Variants in LMOD2 observed in about 807,000 individuals in gnomAD.
LMOD2 encodes leiomodin-2.
Under a neutral mutation model 41.7 loss-of-function variants are expected in LMOD2, and 27 were observed. The ratio of observed to expected loss-of-function variants is 0.65; its 90% CI spans 0.48 to 0.89. The LOEUF (loss-of-function observed/expected upper bound fraction) is 0.89, where lower values mean the gene tolerates loss of function less well. Ranked by LOEUF, LMOD2 falls within the 40% of genes least tolerant of loss-of-function variation. LMOD2 has a pLI of 0.00. For missense variants in LMOD2, 624 were observed against 667.9 expected, an observed-to-expected ratio of 0.93 and a Z score of 0.72; for synonymous variants, 251 against 244.6, an observed-to-expected ratio of 1.03 and a Z score of -0.25.
chr7:123,663,296 T>G, intron 2 of LMOD2, 93 bp downstream of exon 2: 6 of 1,382,662 alleles, frequency 4.3e-6, no homozygotes, highest in South Asian at 1.5e-5. Context: ...CTCACAATAC[T>G]TATCAATACT....
At chr7:123,658,229 G>A (rs1453449384) in intron 1 of LMOD2, among the ~76,000 whole-genome samples, 3 of 152,102 alleles carry the variant, frequency 2.0e-5, no homozygotes, top group African/African-American at 7.2e-5. Flanking sequence ...ATGGACTTCG[G>A]TTCCTTTCTA....
At chr7:123,657,810 A>C (rs890156886) in intron 1 of LMOD2, among the ~76,000 whole-genome samples, 101 of 130,678 alleles carry the variant, frequency 7.7e-4, no homozygotes, top group African/African-American at 2.8e-3. Flanking sequence ...TCTCATCTCT[A>C]CAAAAAAAAA....
chr7:123,663,916 G>C lies in LMOD2; in HGVS notation c.*171G>C, dbSNP rs141532106. 1.1e-4 allele frequency: 65 copies of C among 593,286 alleles called. No individual in the cohort carries two copies. The highest frequency in any genetic ancestry group is 1.7e-4 in the Non-Finnish European group (60 of 347,380). The allele number at this position is 593,286 out of a possible 1,614,324, so 36.8% of individuals were successfully genotyped here. A position where few individuals can be genotyped will look rare whatever the true frequency, so the allele number is the denominator to read the frequency against. On this transcript the variant is annotated 3_prime_UTR_variant, in exon 3 of 3. Transcript: ENST00000458573. ...AAGAAACAATCAGCATGTTTCTTCT[G>C]TAAATATGAAAATAAATTTCTTTTT...
rs1334964159 is a variant in LMOD2, at chr7:123,662,630, G to C, written c.1044G>C (p.Leu348Phe). 6.2e-7 allele frequency: 1 copy of C among 1,613,982 alleles called. No homozygotes were observed. The highest frequency in any genetic ancestry group is 1.3e-5 in the African/African-American group (1 of 75,044). Residue 348 changes from leucine (L) to phenylalanine (F), a missense_variant, in exon 2 of 3, where the codon TTG (leucine) becomes TTC (phenylalanine). By Grantham distance (22) the Leu-to-Phe change is conservative. Transcript: ENST00000458573. The surrounding 1 kb of genome is among the most constrained non-coding windows in gnomAD (Gnocchi z 4.0). ...CAAGAATGAGCATGACGAGCATTTT[G>C]ACAAGAAATATGGATAAACAGAGGC... ...PGPRMSMTSI[L>F]TRNMDKQRQK...
intron 1 of LMOD2, among the ~76,000 whole-genome samples, chr7:123,658,278 C>T (rs1012026421): frequency 2.0e-5 from 3 of 152,116 alleles, no homozygotes; most frequent in Admixed American, 2.0e-4. Context: ...CCCTGCTGGC[C>T]AGCTGTCTGT....
intron 1 of LMOD2, among the ~76,000 whole-genome samples, chr7:123,658,491 A>T (rs2116733634): frequency 6.6e-6 from 1 of 152,340 alleles, no homozygotes; most frequent in Non-Finnish European, 1.5e-5. Flanking sequence ...GGCTTATAAA[A>T]AGCAGATGCA....
rs767055909 is a variant in LMOD2, at chr7:123,663,733, A to G, written c.1632A>G (p.Glu544=). Residue 544 remains glutamate (E), a synonymous_variant, in exon 3 of 3, where the codon GAA becomes GAG. Transcript: ENST00000458573. ...IKQLKRVEVP[E]ALR ...TATTTTTGTAGGTGGAAGTTCCAGA[A>G]GCCCTGCGATAAAAACATGATCTTT... 75 of 1,579,450 alleles carry G rather than the reference A, an allele frequency of 4.7e-5. No homozygotes were observed. The highest frequency in any genetic ancestry group is 6.4e-5 in the Non-Finnish European group (74 of 1,160,684).
At position 123,663,743 on chromosome 7, in the gene LMOD2, T is replaced by C; in HGVS notation, c.1642T>C (p.Ter548GlnextTer5). Reference sequence around the variant, plus strand: ...GGTGGAAGTTCCAGAAGCCCTGCGATAAAAACATGATCTTTAGAAGAGGAT... The same window carrying C: ...GGTGGAAGTTCCAGAAGCCCTGCGACAAAAACATGATCTTTAGAAGAGGAT... ...KRVEVPEALR* is the reference protein window; with the variant it reads ...KRVEVPEALRQ The change falls in exon 3 of 3, where the codon TAA becomes CAA. Residue 548 changes from the stop codon to glutamine, a stop_lost. Coordinates refer to ENST00000458573, the MANE Select transcript of LMOD2 (RefSeq NM_207163.3). The C allele has an allele frequency of 6.3e-7, 1 of 1,577,502 alleles. No individual in the cohort carries two copies. The highest frequency in any genetic ancestry group is 8.6e-7 in the Non-Finnish European group (1 of 1,159,512).
chr7:123,661,982 A>C lies in LMOD2; in HGVS notation c.396A>C (p.Glu132Asp), dbSNP rs374070376. Reference protein sequence around the residue: ...EEESQEEEEEEDSDEEERTIE... With the variant: ...EEESQEEEEEDDSDEEERTIE... ...AGTCCCAGGAGGAAGAGGAGGAAGA[A>C]GACAGTGACGAAGAGGAAAGAACAA... is the stretch of plus-strand genomic sequence containing the variant. The change falls in exon 2 of 3, where the codon GAA becomes GAC. Residue 132 changes from glutamate to aspartate, a missense_variant. Transcript: ENST00000458573. 1.3e-6 allele frequency: 2 copies of C among 1,560,252 alleles called. No individual in the cohort carries two copies. Among genetic ancestry groups the C allele is most frequent in the Non-Finnish European group, 1.7e-6 (2 of 1,151,380 alleles).
Position 123,662,448 on chromosome 7 carries a change from A to T in LMOD2, c.862A>T (p.Ile288Phe). The stretch of plus-strand genomic sequence containing the variant: ...CATAACGGGAAAGGGGATCCTGGCC[A>T]TCATGAGAGCTCTCCAGCACAACAC... The part of the protein sequence containing the change: ...NFITGKGILA[I>F]MRALQHNTVL... The change falls in exon 2 of 3, where the codon ATC becomes TTC. Residue 288 changes from isoleucine to phenylalanine, a missense_variant. Transcript: ENST00000458573. The surrounding 1 kb of genome is among the most constrained non-coding windows in gnomAD (Gnocchi z 4.0). The T allele has an allele frequency of 6.2e-7, 1 of 1,613,990 alleles. No homozygotes were observed. The highest frequency in any genetic ancestry group is 8.5e-7 in the Non-Finnish European group (1 of 1,179,888).
At chr7:123,661,687 CA>C (rs1304149765) in intron 1 of LMOD2, among the ~76,000 whole-genome samples, 172 bp from the exon 2 acceptor site, 1 of 152,126 alleles carries the variant, frequency 6.6e-6, no homozygotes, top group Admixed American at 6.5e-5. Context: ...CTATTTATTG[CA>C]ATAAAATGTC....
rs866800720 is a variant in LMOD2, at chr7:123,663,136, C to T, written c.1550C>T (p.Pro517Leu). 2 of 1,568,934 alleles carry T rather than the reference C, an allele frequency of 1.3e-6. No individual in the cohort carries two copies. The highest frequency in any genetic ancestry group is 2.4e-5 in the East Asian group (1 of 42,332). Residue 517 changes from proline (P) to leucine (L), a missense_variant, in exon 2 of 3, where the codon CCA becomes CTA. By Grantham distance (98) the Pro-to-Leu change is moderately conservative. Coordinates refer to ENST00000458573, the MANE Select transcript of LMOD2 (RefSeq NM_207163.3). Reference sequence around the variant, plus strand: ...GAAGACAGTTCCCGACCTTCTACCCCACAGAGATCAGCTCATGAGAATCTC... The same window carrying T: ...GAAGACAGTTCCCGACCTTCTACCCTACAGAGATCAGCTCATGAGAATCTC... Reference protein sequence around the residue: ...KMEDSSRPSTPQRSAHENLME... With the variant: ...KMEDSSRPSTLQRSAHENLME...
chr7:123,663,056 C>T lies in LMOD2; in HGVS notation c.1470C>T (p.Asn490=), dbSNP rs1438809763. 6.4e-7 allele frequency: 1 copy of T among 1,556,404 alleles called. No individual in the cohort carries two copies. The highest frequency in any genetic ancestry group is 8.7e-7 in the Non-Finnish European group (1 of 1,149,978). Residue 490 remains asparagine, a synonymous_variant, in exon 2 of 3, where the codon AAC becomes AAT. Coordinates refer to ENST00000458573, the MANE Select transcript of LMOD2 (RefSeq NM_207163.3). ...GGAAAAAGGTCAAGAAACAGCCAAA[C>T]AGTATTCTAAAGGAAATAAAAAATT... is the stretch of plus-strand genomic sequence containing the variant. ...KKGKKVKKQP[N]SILKEIKNSL...
Position 123,664,175 on chromosome 7 carries a change from T to G in LMOD2, c.*430T>G, listed in dbSNP as rs147139061. The stretch of plus-strand genomic sequence containing the variant: ...AATCTCGATAAATGTGTATTGAAGT[T>G]TTTTCCCTTTTTTTAAAAAGCCAAA... On this transcript the variant is annotated 3_prime_UTR_variant, in exon 3 of 3. Transcript: ENST00000458573. 1 of 157,962 alleles carries G rather than the reference T, an allele frequency of 6.3e-6. No individual in the cohort carries two copies. The highest frequency in any genetic ancestry group is 1.9e-4 in the East Asian group (1 of 5,404). The allele number at this position is 157,962 out of a possible 1,614,324, so 9.8% of individuals were successfully genotyped here.
At chr7:123,659,443 C>T (rs1802839693) in intron 1 of LMOD2, among the ~76,000 whole-genome samples, 1 of 152,160 alleles carries the variant, frequency 6.6e-6, no homozygotes, top group African/African-American at 2.4e-5. Flanking sequence ...AGATGTCCCC[C>T]ACCTAGGGTG....
At chr7:123,658,011 AAG>A (rs1802816758) in intron 1 of LMOD2, among the ~76,000 whole-genome samples, 2 of 150,542 alleles carry the variant, frequency 1.3e-5, no homozygotes, top group Admixed American at 1.3e-4. Context: ...AAAAAAAAAA[AAG>A]AATAAAACTG....
chr7:123,662,317 C>A lies in LMOD2; in HGVS notation c.731C>A (p.Thr244Lys), dbSNP rs181142678. The stretch of plus-strand genomic sequence containing the variant: ...CTCAAGGACAACACTGTGGTGAAGA[C>A]GTTCAGTCTGGCCAACACGCATGCC... Reference protein sequence around the residue: ...EALKDNTVVKTFSLANTHADD... With the variant: ...EALKDNTVVKKFSLANTHADD... Residue 244 changes from threonine (T) to lysine (K), a missense_variant, in exon 2 of 3, where the codon ACG becomes AAG. Transcript: ENST00000458573. This position sits in a 1 kb window ranked among gnomAD's most constrained non-coding sequence, Gnocchi z 4.0. The A allele has an allele frequency of 6.2e-7, 1 of 1,614,006 alleles. No homozygotes were observed. Among genetic ancestry groups the A allele is most frequent in the South Asian group, 1.1e-5 (1 of 91,082 alleles).
intron 1 of LMOD2, among the ~76,000 whole-genome samples, chr7:123,660,336 C>CAG (rs1370080865): frequency 6.6e-6 from 1 of 151,634 alleles, no homozygotes; most frequent in Non-Finnish European, 1.5e-5. Flanking sequence ...CACACACACA[C>CAG]ACACACAGAG....
chr7:123,658,738 A>C (rs967183218), intron 1 of LMOD2, among the ~76,000 whole-genome samples: 1 of 152,240 alleles, frequency 6.6e-6, no homozygotes, highest in South Asian at 2.1e-4. Flanking sequence ...GAGCTTGTAC[A>C]TAGAAGTGAA....
Sources: allele counts gnomAD v4.1 joint callset (sites outside exome capture counted in the v4.1 genomes callset), GRCh38; gene constraint gnomAD v4.1.1; non-coding constraint Gnocchi (gnomAD v3.1); transcripts MANE v1.5; gene names NCBI Gene and HGNC (gene_info 2026-07-23, HGNC 2026-07-21).